Variants in DLGAP2 observed in about 807,000 individuals in gnomAD.
The protein encoded by DLGAP2 is DLG associated protein 2.
In DLGAP2, 26 loss-of-function variants were observed where a neutral mutation model predicts 100.3. The ratio of observed to expected loss-of-function variants is 0.26; its 90% CI spans 0.19 to 0.36. DLGAP2 has a LOEUF of 0.36. DLGAP2 is among the 10% of genes least tolerant of loss of function. The probability of loss-of-function intolerance (pLI) is 1.00; values close to 1 mark genes in which losing one functional copy is unlikely to be tolerated. For missense variants in DLGAP2, 1,858 were observed against 1,453.2 expected (o/e 1.28, Z -4.53); for synonymous variants, 886 against 630.1 (o/e 1.41, Z -6.08).
chr8:988,389 A>G (rs190564917), intron 2 of DLGAP2, among the ~76,000 whole-genome samples: 8 of 152,368 alleles, frequency 5.3e-5, no homozygotes, highest in African/African-American at 1.9e-4. Context: ...CCGAAGCTGC[A>G]GGTAACACTC....
At chr8:1,267,603 T>TAAA (rs1250229921) in intron 3 of DLGAP2, among the ~76,000 whole-genome samples, 1,003 of 68,378 alleles carry the variant, frequency 0.015, 99 homozygotes, top group South Asian at 0.024. Context: ...TAAGATAAGA[T>TAAA]AAGATAAGAT....
intron 3 of DLGAP2, among the ~76,000 whole-genome samples, chr8:1,358,605 A>G (rs551211173): frequency 1.3e-5 from 2 of 152,300 alleles, no homozygotes; most frequent in South Asian, 4.2e-4. Context: ...CTGCAGTGAA[A>G]GCAGCGTTTG....
intron 2 of DLGAP2, among the ~76,000 whole-genome samples, chr8:1,222,056 C>G (rs896006266): frequency 1.3e-5 from 2 of 152,150 alleles, no homozygotes; most frequent in African/African-American, 2.4e-5. Context: ...CTGTGCCATC[C>G]AGATTCTGAA....
intron 2 of DLGAP2, among the ~76,000 whole-genome samples, chr8:928,292 G>C (rs1239733282): frequency 3.3e-5 from 5 of 151,962 alleles, no homozygotes; most frequent in African/African-American, 1.2e-4. Flanking sequence ...CCGAGGTTGA[G>C]TGTGTGTTCA....
intron 1 of DLGAP2, among the ~76,000 whole-genome samples, chr8:750,429 T>C (rs751621016): frequency 4.6e-5 from 7 of 152,198 alleles, no homozygotes; most frequent in Admixed American, 1.3e-4. Flanking sequence ...TAAAATCAAG[T>C]GTATTTAGAA....
At chr8:1,520,234 C>A (rs11994379) in intron 4 of DLGAP2, among the ~76,000 whole-genome samples, 55,380 of 152,052 alleles carry the variant, frequency 0.36, 12,538 homozygotes, top group African/African-American at 0.65. Flanking sequence ...TGCAGGCCCC[C>A]ACCCCGGAGC....
At position 1,237,869 on chromosome 8, in the gene DLGAP2, C is replaced by T. The variant is rs1337134332; in HGVS notation, c.74-20982C>T. 7.3e-4 allele frequency among the ~76,000 whole-genome samples: 7 copies of T among 9,616 alleles called. 2 individuals are homozygous for T. The South Asian group carries it at 0.015, about 20-fold the overall frequency. 6.3% of individuals were successfully genotyped at this position (9,616 alleles called of 152,430 possible). A position where few individuals can be genotyped will look rare whatever the true frequency, so the allele number is the denominator to read the frequency against. On this transcript the variant is annotated intron_variant, in intron 2 of 14. Transcript: ENST00000637795. ...CGCCATGTCTAGTTCTCTCACATGG[C>T]GCCGTGTCTAGTTCTCTCACATGGT...
chr8:1,061,222 C>A (rs1563170645), intron 2 of DLGAP2, among the ~76,000 whole-genome samples: 1 of 152,276 alleles, frequency 6.6e-6, no homozygotes, highest in East Asian at 1.9e-4. Flanking sequence ...CCCTCGTGAA[C>A]TCTTTGGGTC....
In DLGAP2 at chr8:1,478,161, C is replaced by G. The variant is rs182786167; in HGVS notation, c.107-23205C>G. ...CTGTTTTTTAAATCTGGGTGTCTGT[C>G]CACTCTCTTCCATTCATCTTACCCA... On this transcript the variant is annotated intron_variant, in intron 3 of 14. Coordinates refer to ENST00000637795, the MANE Select transcript of DLGAP2 (RefSeq NM_001346810.2). Among the ~76,000 whole-genome samples the G allele has an allele frequency of 1.2e-4, 18 of 152,270 alleles. No homozygotes were observed. In the East Asian group the frequency reaches 3.1e-3, roughly 26 times the overall value.
Position 1,678,298 on chromosome 8 carries a change from C to G in DLGAP2, c.2373C>G (p.Thr791=). The G allele has an allele frequency of 1.9e-6, 3 of 1,614,014 alleles. No homozygotes were observed. Among genetic ancestry groups the G allele is most frequent in the Non-Finnish European group, 2.5e-6 (3 of 1,179,896 alleles). Residue 791 remains threonine (T), a synonymous_variant, in exon 12 of 15, where the codon ACC becomes ACG. Coordinates refer to ENST00000637795, the MANE Select transcript of DLGAP2 (RefSeq NM_001346810.2). ...LELEGFPGHI[T]TEDKGLQFGS... ...TGGAGGGGTTCCCAGGCCACATCAC[C>G]ACGGAGGACAAAGGCCTTCAGTTCG...
At chr8:794,235 T>TGTGA (rs1453019188) in intron 1 of DLGAP2, among the ~76,000 whole-genome samples, 1 of 150,304 alleles carries the variant, frequency 6.7e-6, no homozygotes, top group Non-Finnish European at 1.5e-5. Flanking sequence ...TCCCTGGTGG[T>TGTGA]GTGAGTGAGG....
intron 8 of DLGAP2, among the ~76,000 whole-genome samples, chr8:1,652,075 C>T (rs901913242): frequency 1.3e-5 from 2 of 152,218 alleles, no homozygotes; most frequent in African/African-American, 4.8e-5. Flanking sequence ...GTCATACACT[C>T]TTTAACATGC....
intron 1 of DLGAP2, among the ~76,000 whole-genome samples, chr8:879,564 C>T (rs911694728): frequency 6.6e-6 from 1 of 152,170 alleles, no homozygotes; most frequent in African/African-American, 2.4e-5. Context: ...ATCTCTGGTT[C>T]CTTCCTCCAT....
chr8:1,560,246 A>G (rs938207960), intron 5 of DLGAP2, among the ~76,000 whole-genome samples: 4 of 152,178 alleles, frequency 2.6e-5, no homozygotes, highest in Non-Finnish European at 5.9e-5. Context: ...AGACATAAAA[A>G]TGTCAAGTGC....
At chr8:1,624,676 G>A (rs959598238) in intron 6 of DLGAP2, among the ~76,000 whole-genome samples, 2 of 151,994 alleles carry the variant, frequency 1.3e-5, no homozygotes, top group Non-Finnish European at 2.9e-5. Context: ...ACAGAGGAGG[G>A]GAGGGGACAG....
intron 3 of DLGAP2, among the ~76,000 whole-genome samples, chr8:1,288,135 G>A (rs1209249377): frequency 7.6e-6 from 1 of 131,786 alleles, no homozygotes; most frequent in Non-Finnish European, 1.6e-5. Flanking sequence ...ACTAGTTTCG[G>A]TTGAGTATGT....
intron 6 of DLGAP2, among the ~76,000 whole-genome samples, chr8:1,569,010 TCCAC>T (rs1802545021): frequency 8.4e-6 from 1 of 118,618 alleles, no homozygotes; most frequent in Non-Finnish European, 1.7e-5. Flanking sequence ...CATGCCACTG[TCCAC>T]TCAGCAGACA....
At chr8:791,925 G>A (rs1822038746) in intron 1 of DLGAP2, among the ~76,000 whole-genome samples, 1 of 152,168 alleles carries the variant, frequency 6.6e-6, no homozygotes, top group Non-Finnish European at 1.5e-5. Flanking sequence ...CCCTAACGAC[G>A]TCGCATGTGT....
At chr8:1,072,757 G>T (rs1190848164) in intron 2 of DLGAP2, among the ~76,000 whole-genome samples, 6 of 152,218 alleles carry the variant, frequency 3.9e-5, no homozygotes, top group Admixed American at 3.3e-4. Context: ...TCTGTTTAGG[G>T]TGGAGAATGA....
Sources: gnomAD v4.1 joint callset for allele counts (sites outside exome capture counted in the v4.1 genomes callset) on GRCh38, gnomAD v4.1.1 for gene constraint, MANE v1.5 for transcripts, NCBI Gene and HGNC (gene_info 2026-07-23, HGNC 2026-07-21) for gene names.